Variants in MCPH1 observed in about 807,000 individuals in gnomAD.
The protein encoded by MCPH1 is microcephalin 1, also known as microcephalin.
A neutral mutation model predicts 84.5 loss-of-function variants in MCPH1; 104 were observed. The ratio of observed to expected loss-of-function variants is 1.23; its 90% CI spans 1.05 to 1.45. MCPH1 has a LOEUF of 1.45. Ranked by LOEUF, MCPH1 falls within the 40% of genes most tolerant of loss-of-function variation. The pLI, the probability that MCPH1 is intolerant of heterozygous loss-of-function variation, is 0.00. For missense variants in MCPH1, 1,498 were observed against 1,005.7 expected (o/e 1.49, Z -6.62); for synonymous variants, 514 against 366.8 (o/e 1.40, Z -4.58).
chr8:6,568,552 C>T (rs554944976), intron 12 of MCPH1, among the ~76,000 whole-genome samples: 2 of 152,310 alleles, frequency 1.3e-5, no homozygotes, highest in East Asian at 1.9e-4. Flanking sequence ...CCAGCCTGAC[C>T]CAGGCCCGGG....
intron 7 of MCPH1, 88 bp from the exon 8 acceptor site, chr8:6,444,305 T>A: frequency 1.3e-6 from 2 of 1,495,738 alleles, no homozygotes; most frequent in Non-Finnish European, 1.8e-6. Flanking sequence ...AGCTGTACTT[T>A]AAAAGTTGTT....
chr8:6,463,218 C>G lies in MCPH1; in HGVS notation c.1935+7966C>G, dbSNP rs193211332. 2.2e-3 allele frequency among the ~76,000 whole-genome samples: 332 copies of G among 152,244 alleles called. 2 individuals carry two copies. Among genetic ancestry groups the G allele is most frequent in the African/African-American group, 7.8e-3 (324 of 41,548 alleles). On this transcript the variant is annotated intron_variant, in intron 9 of 13. Transcript: ENST00000344683. ...CATGAAATTGTGCTCTGTCATCTCC[C>G]CCAGGAGGCAGAAGACTGAGTTCTG...
chr8:6,644,131 T>C lies in MCPH1; in HGVS notation c.*1082T>C, dbSNP rs1798098618. The C allele has an allele frequency of 6.6e-6, 1 of 152,242 alleles. No individual in the cohort carries two copies. Among genetic ancestry groups the C allele is most frequent in the Non-Finnish European group, 1.5e-5 (1 of 68,120 alleles). 9.4% of individuals were successfully genotyped at this position (152,242 alleles called of 1,614,324 possible). On this transcript the variant is annotated 3_prime_UTR_variant, in exon 14 of 14. Coordinates refer to ENST00000344683, the MANE Select transcript of MCPH1 (RefSeq NM_024596.5). ...TGGGTGTGGTGGCACACACCTGTGGTCCCAGCTCCTCAGGAGTCTGAGGCA... is the reference window on the plus strand; with the variant it reads ...TGGGTGTGGTGGCACACACCTGTGGCCCCAGCTCCTCAGGAGTCTGAGGCA...
chr8:6,577,861 G>C (rs1481124059), intron 12 of MCPH1, among the ~76,000 whole-genome samples: 1 of 152,200 alleles, frequency 6.6e-6, no homozygotes, highest in East Asian at 1.9e-4. Context: ...AAGTGATCCA[G>C]AGCTGAATTA....
At chr8:6,623,996 G>A (rs930975692) in intron 13 of MCPH1, among the ~76,000 whole-genome samples, 6 of 152,194 alleles carry the variant, frequency 3.9e-5, no homozygotes, top group Admixed American at 6.5e-5. Context: ...TGCAGTGCCC[G>A]AGCCTGCCTC....
chr8:6,629,470 A>C (rs1464462430), intron 13 of MCPH1, among the ~76,000 whole-genome samples: 1 of 152,202 alleles, frequency 6.6e-6, no homozygotes, highest in Non-Finnish European at 1.5e-5. Flanking sequence ...TCAAAAAAAT[A>C]AAAATAAAAT....
chr8:6,583,824 T>C (rs1408381720), intron 12 of MCPH1, among the ~76,000 whole-genome samples: 1 of 151,680 alleles, frequency 6.6e-6, no homozygotes, highest in Non-Finnish European at 1.5e-5. Flanking sequence ...TTTTTTTTTT[T>C]TTCCTAGGTT....
intron 12 of MCPH1, among the ~76,000 whole-genome samples, chr8:6,550,650 G>C (rs975196094): frequency 8.5e-5 from 13 of 152,206 alleles, no homozygotes; most frequent in African/African-American, 3.1e-4. Context: ...ACCCACACAC[G>C]AGGGGGTGTG....
intron 13 of MCPH1, among the ~76,000 whole-genome samples, chr8:6,637,656 G>A (rs957583415): frequency 6.6e-6 from 1 of 152,146 alleles, no homozygotes; most frequent in East Asian, 1.9e-4. Flanking sequence ...TACTCTGTTT[G>A]TGTTTATTTT....
chr8:6,627,283 C>T (rs1311411576), intron 13 of MCPH1: 3 of 985,398 alleles, frequency 3.0e-6, no homozygotes, highest in South Asian at 4.7e-5. Context: ...AGGAACCAGT[C>T]GCAGAGAGGG....
At chr8:6,540,843 G>A (rs2922872) in intron 12 of MCPH1, among the ~76,000 whole-genome samples, 28,788 of 152,282 alleles carry the variant, frequency 0.19, 2,998 homozygotes, top group African/African-American at 0.28. Context: ...AGGGTGGTTC[G>A]CACACGTGGA....
At chr8:6,467,986 T>C in intron 9 of MCPH1, among the ~76,000 whole-genome samples, 1 of 152,158 alleles carries the variant, frequency 6.6e-6, no homozygotes, top group East Asian at 1.9e-4. Context: ...ATCCATGAAT[T>C]TGCATATTTT....
intron 11 of MCPH1, among the ~76,000 whole-genome samples, chr8:6,490,599 A>G (rs949713287): frequency 2.0e-5 from 3 of 152,190 alleles, no homozygotes; most frequent in Admixed American, 1.3e-4. Context: ...TTTCAAAGCT[A>G]TATTTGACGA....
intron 13 of MCPH1, chr8:6,626,680 A>G (rs1832113593): frequency 1.0e-6 from 1 of 984,724 alleles, no homozygotes; most frequent in Non-Finnish European, 1.2e-6. Context: ...TATAATTCCC[A>G]TTTTATAAGT....
chr8:6,508,625 C>G (rs1000166675), intron 12 of MCPH1: 1 of 555,036 alleles, frequency 1.8e-6, no homozygotes, highest in East Asian at 3.0e-5. Flanking sequence ...TAAACCATCT[C>G]TCTAGTATCC....
chr8:6,468,437 G>A (rs1807269653), intron 9 of MCPH1, among the ~76,000 whole-genome samples: 1 of 152,182 alleles, frequency 6.6e-6, no homozygotes, highest in Non-Finnish European at 1.5e-5. Context: ...AGAGGAGAAA[G>A]GATGATGTGA....
rs1260917902 is a variant in MCPH1 at position 6,645,487 on chromosome 8, A to C, written c.*2438A>C. On this transcript the variant is annotated 3_prime_UTR_variant, in exon 14 of 14. Coordinates refer to ENST00000344683, the MANE Select transcript of MCPH1 (RefSeq NM_024596.5). ...ACCACTGTTATTCAACGTTGCATTA[A>C]AGTTTCTACCCAGAGAAGGCAATAA... is the stretch of plus-strand genomic sequence containing the variant. 6.6e-6 allele frequency: 1 copy of C among 152,016 alleles called. No individual in the cohort carries two copies. The highest frequency in any genetic ancestry group is 1.5e-5 in the Non-Finnish European group (1 of 68,028). The allele number at this position is 152,016 out of a possible 1,614,324, so 9.4% of individuals were successfully genotyped here.
chr8:6,620,831 T>G (rs1335996063), intron 12 of MCPH1, among the ~76,000 whole-genome samples: 1 of 152,160 alleles, frequency 6.6e-6, no homozygotes, highest in Admixed American at 6.5e-5. Flanking sequence ...ACATCCCTGC[T>G]TCTGAAATGT....
At chr8:6,615,268 C>G (rs917082724) in intron 12 of MCPH1, among the ~76,000 whole-genome samples, 3 of 152,164 alleles carry the variant, frequency 2.0e-5, no homozygotes, top group African/African-American at 7.2e-5. Flanking sequence ...TCAGGAAGTC[C>G]TCCCTCAATG....
Sources: allele counts gnomAD v4.1 joint callset (sites outside exome capture counted in the v4.1 genomes callset), GRCh38; gene constraint gnomAD v4.1.1; transcripts MANE v1.5; gene names NCBI Gene and HGNC (gene_info 2026-07-23, HGNC 2026-07-21).